PRKCB: variants seen among roughly 807,000 people sequenced by gnomAD.
PRKCB encodes protein kinase C beta, also known as protein kinase C beta type.
In PRKCB, 13 loss-of-function variants were observed where a neutral mutation model predicts 81.5. That is an observed-to-expected ratio of 0.16 (90% confidence interval 0.10 to 0.25). The LOEUF is 0.25. PRKCB is among the 10% of genes least tolerant of loss of function. PRKCB has a pLI of 1.00. For synonymous variants in PRKCB, 335 were observed against 321.4 expected, an observed-to-expected ratio of 1.04 and a Z score of -0.45; for missense variants, 509 against 875.7, an observed-to-expected ratio of 0.58 and a Z score of 5.29.
intron 5 of PRKCB, among the ~76,000 whole-genome samples, chr16:24,052,651 A>C (rs764841556): frequency 3.9e-5 from 6 of 152,198 alleles, no homozygotes; most frequent in Admixed American, 3.3e-4. Context: ...TGACGATTGT[A>C]AACTGTCATG....
In PRKCB at chr16:24,144,966, A is replaced by G. The variant is rs567203586; in HGVS notation, c.1066-9718A>G. Among the ~76,000 whole-genome samples the G allele has an allele frequency of 7.9e-5, 12 of 152,338 alleles. No homozygotes were observed. In the South Asian group the frequency reaches 2.5e-3, roughly 32 times the overall value. On this transcript the variant is annotated intron_variant, in intron 9 of 16. Coordinates refer to ENST00000643927, the MANE Select transcript of PRKCB (RefSeq NM_002738.7). ...TAAAAATAAACAGATAGATATTAAT[A>G]TAATGCCCGTGTGGTAAGTGCTGTC... is the stretch of plus-strand genomic sequence containing the variant.
rs1005156706 is a variant in PRKCB, at chr16:24,217,861, AAC to A, written c.*3049_*3050del. ...GAGTTCTCAGACCTTTAGGGGCCCT[AAC>A]ACAGTTCAGTTCATACAGGGGTTCA... On this transcript the variant is annotated 3_prime_UTR_variant, in exon 17 of 17. Coordinates refer to ENST00000643927, the MANE Select transcript of PRKCB (RefSeq NM_002738.7). The A allele has an allele frequency of 1.6e-4, 154 of 985,340 alleles. No homozygotes were observed. The highest frequency in any genetic ancestry group is 1.8e-4 in the Non-Finnish European group (150 of 829,946). The allele number at this position is 985,340 out of a possible 1,614,324, so 61.0% of individuals were successfully genotyped here.
At chr16:24,035,190 G>A (rs1277408023) in intron 4 of PRKCB, among the ~76,000 whole-genome samples, 2 of 152,146 alleles carry the variant, frequency 1.3e-5, no homozygotes, top group Non-Finnish European at 2.9e-5. Flanking sequence ...GGCTGTGGGT[G>A]GGGAACAGAC....
rs1434798755 is a variant in PRKCB at position 24,018,905 on chromosome 16, G to A, written c.289-13231G>A. On this transcript the variant is annotated intron_variant, in intron 3 of 16. Transcript: ENST00000643927. ...CACTTTTCATGCTCAGACAATCTCCGTCCACTCAGTCTCAATTAAGGTTTC... is the reference window on the plus strand; with the variant it reads ...CACTTTTCATGCTCAGACAATCTCCATCCACTCAGTCTCAATTAAGGTTTC... Among the ~76,000 whole-genome samples the A allele has an allele frequency of 5.9e-5, 9 of 152,134 alleles. No individual in the cohort carries two copies. In the South Asian group the frequency reaches 1.0e-3, roughly 18 times the overall value.
chr16:23,923,006 A>G (rs575442637), intron 2 of PRKCB, among the ~76,000 whole-genome samples: 1 of 152,164 alleles, frequency 6.6e-6, no homozygotes, highest in East Asian at 1.9e-4. Flanking sequence ...AGCTACCTAC[A>G]CCTTTTAATG....
At chr16:23,872,538 T>A (rs1334609528) in intron 2 of PRKCB, among the ~76,000 whole-genome samples, 2 of 151,784 alleles carry the variant, frequency 1.3e-5, no homozygotes, top group African/African-American at 4.8e-5. Flanking sequence ...CAAGAAAAAA[T>A]TAATAAATAA....
At chr16:23,975,253 G>A (rs73540934) in intron 2 of PRKCB, among the ~76,000 whole-genome samples, 2 of 152,276 alleles carry the variant, frequency 1.3e-5, no homozygotes, top group African/African-American at 2.4e-5. Flanking sequence ...TTTAGAGTGA[G>A]TTGGGGGCCT....
intron 2 of PRKCB, among the ~76,000 whole-genome samples, chr16:23,946,731 C>T (rs1964207878): frequency 6.6e-6 from 1 of 152,162 alleles, no homozygotes; most frequent in Non-Finnish European, 1.5e-5. Context: ...AATTAAGATG[C>T]AGGTTGTGAT....
At chr16:24,158,582 A>ATGTG (rs1967203993) in intron 10 of PRKCB, among the ~76,000 whole-genome samples, 4 of 150,296 alleles carry the variant, frequency 2.7e-5, no homozygotes, top group African/African-American at 1.0e-4. Context: ...GTATATGTAT[A>ATGTG]TGTATATGTA....
intron 2 of PRKCB, among the ~76,000 whole-genome samples, chr16:23,837,895 G>T (rs1407700067): frequency 6.6e-6 from 1 of 152,206 alleles, no homozygotes; most frequent in Admixed American, 6.5e-5. Flanking sequence ...TGTCGCCTGG[G>T]CCTCCTCTCT....
chr16:23,843,975 G>A (rs561958404), intron 2 of PRKCB, among the ~76,000 whole-genome samples: 18 of 152,016 alleles, frequency 1.2e-4, no homozygotes, highest in African/African-American at 3.6e-4. Flanking sequence ...ACACACACAC[G>A]TGTATACACA....
intron 12 of PRKCB, 143 bp from the exon 13 acceptor site, chr16:24,180,647 T>C (rs2141972199): frequency 2.2e-6 from 2 of 922,358 alleles, no homozygotes; most frequent in East Asian, 5.0e-5. Flanking sequence ...GACTGTAAGC[T>C]GTTGGAGGTC....
intron 16 of PRKCB, among the ~76,000 whole-genome samples, chr16:24,203,689 C>A (rs1967999798): frequency 6.6e-6 from 1 of 152,144 alleles, no homozygotes; most frequent in African/African-American, 2.4e-5. Flanking sequence ...AAACAGAAAG[C>A]TTACTTTTTG....
At chr16:23,898,552 T>C (rs1244945051) in intron 2 of PRKCB, among the ~76,000 whole-genome samples, 1 of 151,998 alleles carries the variant, frequency 6.6e-6, no homozygotes, top group East Asian at 1.9e-4. Context: ...ATGAGAAGAA[T>C]GGGGTAGGTG....
chr16:24,073,134 G>C (rs1215595431), intron 5 of PRKCB, among the ~76,000 whole-genome samples: 1 of 152,180 alleles, frequency 6.6e-6, no homozygotes, highest in East Asian at 1.9e-4. Context: ...TGAATGTCTA[G>C]TTCAGTGGGA....
chr16:23,886,813 C>G (rs1397507967), intron 2 of PRKCB, among the ~76,000 whole-genome samples: 1 of 152,070 alleles, frequency 6.6e-6, no homozygotes, highest in Non-Finnish European at 1.5e-5. Context: ...TCTATCTGTC[C>G]CCTTCATCTC....
chr16:23,872,496 G>T (rs973609916), intron 2 of PRKCB, among the ~76,000 whole-genome samples: 1 of 152,102 alleles, frequency 6.6e-6, no homozygotes, highest in South Asian at 2.1e-4. Flanking sequence ...ACTCCAGCCT[G>T]GATGACAGAG....
intron 7 of PRKCB, among the ~76,000 whole-genome samples, chr16:24,103,917 T>C (rs1211493174): frequency 1.3e-5 from 2 of 152,236 alleles, no homozygotes; most frequent in African/African-American, 4.8e-5. Context: ...GCTATTCTCC[T>C]GCCTCAGCCT....
In PRKCB at chr16:23,907,205, A is replaced by C. The variant is rs566071773; in HGVS notation, c.205+69799A>C. 2.0e-5 allele frequency among the ~76,000 whole-genome samples: 3 copies of C among 152,334 alleles called. No individual in the cohort carries two copies. The East Asian group carries it at 5.8e-4, about 29-fold the overall frequency. On this transcript the variant is annotated intron_variant, in intron 2 of 16. Transcript: ENST00000643927. ...TTTGTAACAATCAAAAATGTCTCCA[A>C]ACATTGCCCTGGGTGGCAAAATCAT...
Sources: gnomAD v4.1 joint callset for allele counts (sites outside exome capture counted in the v4.1 genomes callset) on GRCh38, gnomAD v4.1.1 for gene constraint, MANE v1.5 for transcripts, NCBI Gene and HGNC (gene_info 2026-07-23, HGNC 2026-07-21) for gene names.